The following PLD1 variants were observed in gnomAD, a reference collection of about 807,000 sequenced individuals.
PLD1 encodes choline phosphatase 1.
Under a neutral mutation model 137.1 loss-of-function variants are expected in PLD1, and 112 were observed. The observed-to-expected ratio is 0.82, with a 90% CI of 0.70 to 0.96. PLD1 has a LOEUF of 0.96. PLD1 is among the 40% of genes least tolerant of loss of function. PLD1 has a pLI of 0.00. For synonymous variants in PLD1, 431 were observed against 454.7 expected (o/e 0.95, Z 0.66); for missense variants, 1,321 against 1,342.0 (o/e 0.98, Z 0.24).
rs1298677667 is a variant in PLD1 at position 171,727,827 on chromosome 3, T to TA, written c.607-1752dup. ...TTGGACATATCTAACACTACTCTTG[T>TA]AAAAAAAAATTACAAATATCTCAAG... On this transcript the variant is annotated intron_variant, in intron 6 of 26. Coordinates refer to ENST00000351298, the MANE Select transcript of PLD1 (RefSeq NM_002662.5). Among the ~76,000 whole-genome samples the TA allele has an allele frequency of 7.2e-5, 11 of 151,764 alleles. No homozygotes were observed. The East Asian group carries it at 1.5e-3, about 21-fold the overall frequency.
intron 22 of PLD1, 156 bp from the exon 23 acceptor site, chr3:171,643,045 G>A: frequency 1.8e-6 from 1 of 551,456 alleles, no homozygotes; most frequent in Admixed American, 4.0e-5. Context: ...ACAGTTACAT[G>A]AATATCACTT....
chr3:171,646,770 A>C (rs1251076435), intron 21 of PLD1, among the ~76,000 whole-genome samples: 1 of 152,110 alleles, frequency 6.6e-6, no homozygotes, highest in Non-Finnish European at 1.5e-5. Flanking sequence ...ACAGTTAAAA[A>C]TGGATGTCAT....
chr3:171,660,772 A>AT (rs1012096850), intron 20 of PLD1, among the ~76,000 whole-genome samples: 3 of 151,532 alleles, frequency 2.0e-5, no homozygotes, highest in African/African-American at 7.3e-5. Context: ...TGCCCGGCTA[A>AT]TTTTTTTGTA....
intron 6 of PLD1, among the ~76,000 whole-genome samples, chr3:171,731,697 G>C (rs1017468847): frequency 1.3e-5 from 2 of 152,002 alleles, no homozygotes; most frequent in Non-Finnish European, 2.9e-5. Flanking sequence ...ACTTGAACCC[G>C]GGAGGCGGCG....
chr3:171,682,166 A>AAGAGAGAGAGAGAGAG, intron 16 of PLD1, among the ~76,000 whole-genome samples: 1 of 29,476 alleles, frequency 3.4e-5, no homozygotes, highest in African/African-American at 1.8e-4. Flanking sequence ...GAAAGAAAGA[A>AAGAGAGAGAGAGAGAG]AAAGAAAGAA....
chr3:171,618,990 A>G lies in PLD1; in HGVS notation c.2728+1396T>C, dbSNP rs551698999. Among the ~76,000 whole-genome samples the G allele has an allele frequency of 5.3e-5, 8 of 152,270 alleles. No homozygotes were observed. The South Asian group carries it at 1.7e-3, about 32-fold the overall frequency. On this transcript the variant is annotated intron_variant, in intron 24 of 26. Transcript: ENST00000351298. ...GTTTTATTCTTCTCAGATATGAGAT[A>G]TGTTTTCTTTTCTCAGTGGAGAATA...
chr3:171,706,423 C>T (rs1289581496), intron 11 of PLD1, among the ~76,000 whole-genome samples: 4 of 149,364 alleles, frequency 2.7e-5, no homozygotes, highest in African/African-American at 9.8e-5. Flanking sequence ...AACATGTATT[C>T]TTTTACCTGG....
intron 24 of PLD1, among the ~76,000 whole-genome samples, chr3:171,619,639 G>A (rs981854661): frequency 1.1e-4 from 16 of 152,118 alleles, no homozygotes; most frequent in African/African-American, 3.9e-4. Flanking sequence ...TTCTGATTTC[G>A]ACTTTTGTAC....
At chr3:171,763,229 C>G (rs1028985888) in intron 1 of PLD1, among the ~76,000 whole-genome samples, 4 of 151,816 alleles carry the variant, frequency 2.6e-5, no homozygotes, top group Admixed American at 6.6e-5. Context: ...TCCCTCAACT[C>G]ACATGGAAAG....
chr3:171,668,586 ATTCT>A (rs1464351907), intron 19 of PLD1, among the ~76,000 whole-genome samples: 215 of 130,142 alleles, frequency 1.7e-3, no homozygotes, highest in African/African-American at 5.9e-3. Context: ...CTCCTTTCTC[ATTCT>A]TTCTTCCTTC....
At chr3:171,687,307 T>C in intron 15 of PLD1, 64 bp downstream of exon 15, 1 of 1,297,820 alleles carries the variant, frequency 7.7e-7, no homozygotes, top group Non-Finnish European at 1.1e-6. Context: ...AACAGGTATG[T>C]AGTGTCTGGC....
chr3:171,729,130 A>C (rs1718745337), intron 6 of PLD1, among the ~76,000 whole-genome samples: 1 of 152,250 alleles, frequency 6.6e-6, no homozygotes, highest in South Asian at 2.1e-4. Context: ...AGGAATAAGA[A>C]TTTAAAGATC....
chr3:171,680,272 A>T (rs1578256925), intron 16 of PLD1, among the ~76,000 whole-genome samples: 3 of 76,248 alleles, frequency 3.9e-5, no homozygotes, highest in African/African-American at 1.2e-4. Context: ...TTTTTTTGAG[A>T]CTGGAGTGCA....
At chr3:171,691,473 C>T (rs1437493541) in intron 13 of PLD1, among the ~76,000 whole-genome samples, 1 of 151,928 alleles carries the variant, frequency 6.6e-6, no homozygotes. Flanking sequence ...TGTTAAATAG[C>T]TATATATTTG....
rs1346736524 is a variant in PLD1, at chr3:171,612,582, C to T, written c.2729-150G>A. ...GTGTTTTTAGGGAGGTGGGGCCCTC[C>T]CTAACCCAGGGGTGAATCTTAATCA... On this transcript the variant is annotated intron_variant, in intron 24 of 26. Transcript: ENST00000351298. This position sits in a 1 kb window ranked among gnomAD's most constrained non-coding sequence, Gnocchi z 4.1. The T allele has an allele frequency of 3.0e-6, 2 of 668,806 alleles. No individual in the cohort carries two copies. Among genetic ancestry groups the T allele is most frequent in the Non-Finnish European group, 5.2e-6 (2 of 383,108 alleles). 41.4% of individuals were successfully genotyped at this position (668,806 alleles called of 1,614,324 possible).
intron 1 of PLD1, among the ~76,000 whole-genome samples, chr3:171,757,446 A>T (rs969437945): frequency 3.9e-5 from 6 of 152,220 alleles, no homozygotes; most frequent in African/African-American, 7.2e-5. Flanking sequence ...CAAAGCAGGA[A>T]TACCCAGCTC....
intron 8 of PLD1, among the ~76,000 whole-genome samples, chr3:171,717,868 A>G (rs192154279): frequency 6.6e-6 from 1 of 152,326 alleles, no homozygotes; most frequent in African/African-American, 2.4e-5. Flanking sequence ...TGGGTTTGTC[A>G]TAGATGGCTC....
intron 1 of PLD1, among the ~76,000 whole-genome samples, chr3:171,784,427 G>A (rs988342007): frequency 4.0e-5 from 6 of 150,484 alleles, no homozygotes; most frequent in Admixed American, 2.6e-4. Flanking sequence ...TAGAGGGACC[G>A]CTAATTGTGT....
chr3:171,739,003 A>T (rs772190934), intron 1 of PLD1, among the ~76,000 whole-genome samples: 3 of 152,198 alleles, frequency 2.0e-5, no homozygotes, highest in Non-Finnish European at 4.4e-5. Flanking sequence ...TTCCTTTCTT[A>T]CTGCAAATCA....
Sources: gnomAD v4.1 joint callset for allele counts (sites outside exome capture counted in the v4.1 genomes callset) on GRCh38, gnomAD v4.1.1 for gene constraint, Gnocchi (gnomAD v3.1) non-coding constraint, MANE v1.5 for transcripts, NCBI Gene and HGNC (gene_info 2026-07-23, HGNC 2026-07-21) for gene names.